Variants in APCDD1L observed in about 807,000 individuals in gnomAD.
APCDD1L encodes APC down-regulated 1 like, also known as protein APCDD1-like.
APCDD1L carries 21 observed loss-of-function variants against 24.2 expected under a neutral mutation model. The observed-to-expected ratio is 0.87, with a 90% CI of 0.61 to 1.25. The LOEUF is 1.25. APCDD1L is among the 50% of genes most tolerant of loss of function. APCDD1L has a pLI of 0.00. For synonymous variants in APCDD1L, 321 were observed against 323.6 expected, an observed-to-expected ratio of 0.99 and a Z score of 0.09; for missense variants, 704 against 711.7, an observed-to-expected ratio of 0.99 and a Z score of 0.12.
intron 1 of APCDD1L, among the ~76,000 whole-genome samples, chr20:58,474,596 C>T (rs899421480): frequency 1.1e-4 from 17 of 152,170 alleles, no homozygotes; most frequent in Admixed American, 3.9e-4. Flanking sequence ...CCCAGCTATT[C>T]GGGAGGCTGA....
chr20:58,511,059 C>A (rs1990617378), intron 1 of APCDD1L, among the ~76,000 whole-genome samples: 1 of 152,210 alleles, frequency 6.6e-6, no homozygotes, highest in Non-Finnish European at 1.5e-5. Flanking sequence ...AAGTCCTGGC[C>A]ATATACCATC....
intron 1 of APCDD1L, among the ~76,000 whole-genome samples, chr20:58,476,732 G>A (rs940231572): frequency 4.6e-5 from 7 of 152,086 alleles, no homozygotes; most frequent in East Asian, 1.9e-4. Context: ...GTGTAGCCTC[G>A]AAGCCCTTTG....
At chr20:58,513,797 G>A (rs771942422) in intron 1 of APCDD1L, 2 of 887,084 alleles carry the variant, frequency 2.3e-6, no homozygotes, top group Non-Finnish European at 3.3e-6. Context: ...AAGGCTGAGA[G>A]AGCCGATGGC....
At position 58,477,461 on chromosome 20, in the gene APCDD1L, T is replaced by C. The variant is rs554475533; in HGVS notation, c.50-6714A>G. On this transcript the variant is annotated intron_variant, in intron 1 of 3. Coordinates refer to ENST00000371149, the MANE Select transcript of APCDD1L (RefSeq NM_153360.3). ...GCTCATGCGTTTCTGGTAAGAATGTTGTGGAAGCGATGGTGTATCTTTCCC... is the reference window on the plus strand; with the variant it reads ...GCTCATGCGTTTCTGGTAAGAATGTCGTGGAAGCGATGGTGTATCTTTCCC... Among the ~76,000 whole-genome samples the C allele has an allele frequency of 8.5e-5, 13 of 152,330 alleles. 1 individual carries two copies. In the South Asian group the frequency reaches 1.4e-3, roughly 17 times the overall value.
At chr20:58,504,084 T>C (rs892195838) in intron 1 of APCDD1L, among the ~76,000 whole-genome samples, 1 of 152,198 alleles carries the variant, frequency 6.6e-6, no homozygotes, top group Non-Finnish European at 1.5e-5. Flanking sequence ...GAAGGAGGAA[T>C]GGAGCCCAGG....
At chr20:58,463,143 C>CAAAAAAAAA (rs398036014) in intron 3 of APCDD1L, among the ~76,000 whole-genome samples, 1 of 93,748 alleles carries the variant, frequency 1.1e-5, no homozygotes, top group Non-Finnish European at 2.0e-5. Context: ...CTCCATCTCA[C>CAAAAAAAAA]AAAAAAAAAA....
chr20:58,461,297 G>C lies in APCDD1L; in HGVS notation c.999C>G (p.Ala333=). The C allele has an allele frequency of 3.1e-6, 5 of 1,610,954 alleles. No individual in the cohort carries two copies. The highest frequency in any genetic ancestry group is 1.1e-5 in the South Asian group (1 of 90,888). Residue 333 remains alanine (A), a synonymous_variant, in exon 4 of 4, where the codon GCC becomes GCG. Transcript: ENST00000371149. This position sits in a 1 kb window ranked among gnomAD's most constrained non-coding sequence, Gnocchi z 6.0. ...CRQPTFTVYA[A]GRYTRGTPST... ...ATGGCGTGCCCCTGGTGTAGCGGCCGGCGGCATACACGGTGAAGGTGGGCT... is the reference window on the plus strand; with the variant it reads ...ATGGCGTGCCCCTGGTGTAGCGGCCCGCGGCATACACGGTGAAGGTGGGCT...
intron 1 of APCDD1L, chr20:58,514,053 C>A (rs1161051942): frequency 2.0e-6 from 2 of 976,550 alleles, no homozygotes; most frequent in Non-Finnish European, 2.7e-6. Flanking sequence ...CCCACCCCCA[C>A]GAAGAGCCAC....
intron 3 of APCDD1L, among the ~76,000 whole-genome samples, chr20:58,466,659 A>G (rs939753473): frequency 6.6e-6 from 1 of 152,226 alleles, no homozygotes; most frequent in Non-Finnish European, 1.5e-5. Flanking sequence ...GAGAGGCAAT[A>G]AACAAGTCAC....
At chr20:58,479,103 T>C (rs1195766799) in intron 1 of APCDD1L, among the ~76,000 whole-genome samples, 1 of 152,138 alleles carries the variant, frequency 6.6e-6, no homozygotes, top group African/African-American at 2.4e-5. Context: ...ATGCAAGCCA[T>C]AAATGTCAGC....
Position 58,492,549 on chromosome 20 carries a change from G to A in APCDD1L, c.50-21802C>T, listed in dbSNP as rs183907099. ...TTGCAAAAATAGCAAGAGTAGGTGA[G>A]GACCAATGGGAACCCTGCCCATGGG... On this transcript the variant is annotated intron_variant, in intron 1 of 3. Transcript: ENST00000371149. 1.2e-4 allele frequency among the ~76,000 whole-genome samples: 18 copies of A among 152,354 alleles called. No homozygotes were observed. The East Asian group carries it at 3.3e-3, about 28-fold the overall frequency.
At chr20:58,499,596 G>A (rs1990392708) in intron 1 of APCDD1L, among the ~76,000 whole-genome samples, 1 of 152,196 alleles carries the variant, frequency 6.6e-6, no homozygotes, top group Non-Finnish European at 1.5e-5. Flanking sequence ...TGGACAAGCT[G>A]TGGCTCCTTC....
At chr20:58,503,369 G>A (rs1157519977) in intron 1 of APCDD1L, among the ~76,000 whole-genome samples, 1 of 152,160 alleles carries the variant, frequency 6.6e-6, no homozygotes, top group Non-Finnish European at 1.5e-5. Flanking sequence ...ATCAGAATTT[G>A]GTTAAAGCTG....
chr20:58,469,772 G>A (rs1193967421), intron 2 of APCDD1L, among the ~76,000 whole-genome samples: 5 of 152,228 alleles, frequency 3.3e-5, no homozygotes, highest in African/African-American at 1.2e-4. Context: ...GGGAGTTTCT[G>A]CCTGACCTCA....
At chr20:58,463,256 C>T (rs1424680246) in intron 3 of APCDD1L, among the ~76,000 whole-genome samples, 3 of 151,678 alleles carry the variant, frequency 2.0e-5, no homozygotes, top group Non-Finnish European at 2.9e-5. Context: ...TGTTCATTGT[C>T]GTGTTATTTG....
intron 1 of APCDD1L, among the ~76,000 whole-genome samples, chr20:58,480,736 C>CTGTT (rs562871333): frequency 1.3e-5 from 2 of 152,156 alleles, no homozygotes; most frequent in African/African-American, 4.8e-5. Context: ...CTAGGTTTTT[C>CTGTT]TGTTTGTTTG....
intron 3 of APCDD1L, among the ~76,000 whole-genome samples, chr20:58,463,074 A>G (rs1338465202): frequency 1.4e-5 from 2 of 145,640 alleles, no homozygotes; most frequent in African/African-American, 5.2e-5. Context: ...TCAGGGAGGC[A>G]GAGGCTGCAG....
At chr20:58,468,120 A>T (rs998616367) in intron 2 of APCDD1L, among the ~76,000 whole-genome samples, 11 of 152,100 alleles carry the variant, frequency 7.2e-5, no homozygotes, top group Admixed American at 7.2e-4. Flanking sequence ...CTTGCCTGTG[A>T]CAGGGCTTGA....
chr20:58,485,405 A>G (rs1990102236), intron 1 of APCDD1L, among the ~76,000 whole-genome samples: 1 of 152,228 alleles, frequency 6.6e-6, no homozygotes, highest in Admixed American at 6.5e-5. Context: ...ATAGAAAGCA[A>G]AGTTTTCATT....
Sources: gnomAD v4.1 joint callset for allele counts (sites outside exome capture counted in the v4.1 genomes callset) on GRCh38, gnomAD v4.1.1 for gene constraint, Gnocchi (gnomAD v3.1) non-coding constraint, MANE v1.5 for transcripts, NCBI Gene and HGNC (gene_info 2026-07-23, HGNC 2026-07-21) for gene names.